UBE3B: variants seen among roughly 807,000 people sequenced by gnomAD.
The protein encoded by UBE3B is ubiquitin protein ligase E3B.
UBE3B carries 80 observed loss-of-function variants against 132.3 expected under a neutral mutation model. The ratio of observed to expected loss-of-function variants is 0.60; its 90% CI spans 0.50 to 0.73. UBE3B has a LOEUF of 0.73. Among genes scored for constraint, UBE3B ranks in the 30% least tolerant of loss-of-function variants. The pLI is 0.00. For missense variants in UBE3B, 1,196 were observed against 1,362.5 expected (o/e 0.88, Z 1.92); for synonymous variants, 487 against 520.4 (o/e 0.94, Z 0.87).
At chr12:109,507,492 C>A in intron 14 of UBE3B, 72 bp from the exon 15 acceptor site, 1 of 1,506,426 alleles carries the variant, frequency 6.6e-7, no homozygotes, top group Admixed American at 2.1e-5. Flanking sequence ...TTTGTTTCCC[C>A]ACTGGATAGG....
rs201712288 is a variant in UBE3B at position 109,524,511 on chromosome 12, C to T, written c.2568+8C>T. 1.3e-5 allele frequency: 21 copies of T among 1,613,564 alleles called. 1 individual carries two copies. The Admixed American group carries it at 1.7e-4, about 13-fold the overall frequency. ...GAGGACGTCATGGGTCAGGTAGGTCCGCCCTTTGGCTGAGCTCCCTTTCCA... is the reference window on the plus strand; with the variant it reads ...GAGGACGTCATGGGTCAGGTAGGTCTGCCCTTTGGCTGAGCTCCCTTTCCA... On this transcript the variant is annotated splice_region_variant and intron_variant, in intron 23 of 27. Coordinates refer to ENST00000342494, the MANE Select transcript of UBE3B (RefSeq NM_130466.4).
In UBE3B at chr12:109,516,171, T is replaced by TC. The variant is rs1881021177; in HGVS notation, c.1957-594_1957-593insC. Among the ~76,000 whole-genome samples, 3 of 135,258 alleles carry TC rather than the reference T, an allele frequency of 2.2e-5. No individual in the cohort carries two copies. The South Asian group carries it at 7.6e-4, about 34-fold the overall frequency. 88.7% of individuals were successfully genotyped at this position (135,258 alleles called of 152,430 possible). ...ATTTTCTTTTTTCTTTTTTTTCTTTTTTTTTTTTTTTTTTTTTTGAGACAG... is the reference window on the plus strand; with the variant it reads ...ATTTTCTTTTTTCTTTTTTTTCTTTTCTTTTTTTTTTTTTTTTTTGAGACAG... On this transcript the variant is annotated intron_variant, in intron 18 of 27. Coordinates refer to ENST00000342494, the MANE Select transcript of UBE3B (RefSeq NM_130466.4).
intron 11 of UBE3B, 51 bp from the exon 12 acceptor site, chr12:109,499,582 G>A (rs1171250703): frequency 1.4e-6 from 2 of 1,473,866 alleles, no homozygotes; most frequent in African/African-American, 1.4e-5. Flanking sequence ...GGGCCGGGAG[G>A]CACCAAAATG....
downstream of UBE3B, among the ~76,000 whole-genome samples, chr12:109,539,230 C>G (rs537324994): frequency 6.6e-6 from 1 of 152,144 alleles, no homozygotes; most frequent in African/African-American, 2.4e-5. Flanking sequence ...AATGAGACTC[C>G]GTCTCAAAAA....
chr12:109,506,207 A>G (rs150376775), intron 14 of UBE3B, among the ~76,000 whole-genome samples: 15 of 152,280 alleles, frequency 9.9e-5, no homozygotes, highest in Middle Eastern at 3.4e-3. Flanking sequence ...AAGTGGGGGG[A>G]AGCTTTGCCA....
intron 13 of UBE3B, among the ~76,000 whole-genome samples, chr12:109,502,628 A>G (rs558627823): frequency 1.3e-5 from 2 of 152,350 alleles, no homozygotes; most frequent in South Asian, 4.1e-4. Flanking sequence ...AGAGGTTGTC[A>G]CGCCTTACTT....
downstream of UBE3B, among the ~76,000 whole-genome samples, chr12:109,541,697 T>G (rs1883616438): frequency 6.6e-6 from 1 of 152,138 alleles, no homozygotes; most frequent in South Asian, 2.1e-4. Flanking sequence ...CCTCGGACAG[T>G]TCTGGCCAGA....
intron 19 of UBE3B, chr12:109,519,475 C>G (rs949546758): frequency 2.0e-5 from 3 of 152,250 alleles, no homozygotes; most frequent in African/African-American, 7.2e-5. Flanking sequence ...GTAAACGCTC[C>G]TTGAGCTAGG....
intron 17 of UBE3B, among the ~76,000 whole-genome samples, chr12:109,510,892 A>G (rs1592935052): frequency 1.3e-5 from 2 of 152,188 alleles, no homozygotes; most frequent in African/African-American, 2.4e-5. Flanking sequence ...ATTTTTATCA[A>G]TGAGTTCAAG....
At chr12:109,543,537 A>G in the UBE3B span, among the ~76,000 whole-genome samples, 3 of 152,222 alleles carry the variant, frequency 2.0e-5, no homozygotes, top group Non-Finnish European at 2.9e-5. Flanking sequence ...CAGGAGCCAC[A>G]CTTTAAGAAG....
At chr12:109,518,693 T>G (rs1881351984) in intron 19 of UBE3B, among the ~76,000 whole-genome samples, 1 of 152,228 alleles carries the variant, frequency 6.6e-6, no homozygotes, top group Admixed American at 6.5e-5. Context: ...TCCGACTCCC[T>G]TCACAAATAT....
rs778076862 is a variant in UBE3B at position 109,490,002 on chromosome 12, C to G, written c.628C>G (p.Gln210Glu). The change falls in exon 8 of 28, where the codon CAG (glutamine) becomes GAG (glutamate). Residue 210 changes from glutamine to glutamate, a missense_variant and splice_region_variant. Gln to Glu is a conservative substitution (Grantham distance 29). Transcript: ENST00000342494. ...LNQHGFYSVL[Q>E]ILLTRGLARP... ...CCAGCATGGATTTTATTCTGTGCTG[C>G]AGGTCTGTGACTCCTGCCCCCCAGT... The G allele has an allele frequency of 1.2e-6, 2 of 1,614,084 alleles. No homozygotes were observed. Among genetic ancestry groups the G allele is most frequent in the Non-Finnish European group, 1.7e-6 (2 of 1,179,948 alleles).
At position 109,510,627 on chromosome 12, in the gene UBE3B, C is replaced by T. The variant is rs372292606; in HGVS notation, c.1856+169C>T. 5.0e-4 allele frequency among the ~76,000 whole-genome samples: 76 copies of T among 152,264 alleles called. 1 individual carries two copies. The highest frequency in any genetic ancestry group is 3.6e-3 in the Admixed American group (55 of 15,298). On this transcript the variant is annotated intron_variant, in intron 17 of 27. Transcript: ENST00000342494. ...TGTCCCTGTGAAGCACCTGTCAGGA[C>T]GCTTCTGTTAAGAGATGTTTACACC...
intron 18 of UBE3B, 117 bp downstream of exon 18, chr12:109,511,420 C>T (rs1332182751): frequency 2.2e-6 from 2 of 895,156 alleles, no homozygotes; most frequent in African/African-American, 3.3e-5. Context: ...TCATTCAGCA[C>T]AAGGAAACGG....
intron 18 of UBE3B, among the ~76,000 whole-genome samples, chr12:109,512,864 A>T (rs991572620): frequency 6.6e-6 from 1 of 152,222 alleles, no homozygotes; most frequent in Non-Finnish European, 1.5e-5. Flanking sequence ...CCCTGCTATG[A>T]TGTCCCTGAC....
intron 13 of UBE3B, 53 bp downstream of exon 13, chr12:109,501,587 C>A: frequency 1.3e-6 from 2 of 1,569,304 alleles, no homozygotes; most frequent in Non-Finnish European, 8.6e-7. Flanking sequence ...TGAAGTACAG[C>A]TCCTGTTTCT....
chr12:109,512,041 A>G (rs1367253660), intron 18 of UBE3B, among the ~76,000 whole-genome samples: 1 of 152,112 alleles, frequency 6.6e-6, no homozygotes, highest in Non-Finnish European at 1.5e-5. Context: ...GAGGTGGAAG[A>G]GCAGGACTGG....
At chr12:109,490,371 CTTG>C (rs954619278) in intron 8 of UBE3B, 3 of 1,487,986 alleles carry the variant, frequency 2.0e-6, no homozygotes, top group East Asian at 2.5e-5. Context: ...CACTTTGTAC[CTTG>C]TTGTGCCAGA....
Position 109,534,694 on chromosome 12 carries a change from TCAAGCTGCCCAA to T in UBE3B, c.3121_3132del (p.Lys1041_Asn1044del). 1 of 1,608,714 alleles carries T rather than the reference TCAAGCTGCCCAA, an allele frequency of 6.2e-7. No individual in the cohort carries two copies. ...ACCTCCTCCACCTGCTTCAACCTGC[TCAAGCTGCCCAA>T]CTACAGCAAGAAGAGCGTCCTCCGC... On this transcript the variant is annotated inframe_deletion, in exon 28 of 28. Coordinates refer to ENST00000342494, the MANE Select transcript of UBE3B (RefSeq NM_130466.4). This position sits in a 1 kb window ranked among gnomAD's most constrained non-coding sequence, Gnocchi z 5.2.
Sources: gnomAD v4.1 joint callset for allele counts (sites outside exome capture counted in the v4.1 genomes callset) on GRCh38, gnomAD v4.1.1 for gene constraint, Gnocchi (gnomAD v3.1) non-coding constraint, MANE v1.5 for transcripts, NCBI Gene and HGNC (gene_info 2026-07-23, HGNC 2026-07-21) for gene names.